Variants in GPC5 observed in about 807,000 individuals in gnomAD.
GPC5 encodes glypican 5.
A neutral mutation model predicts 53.9 loss-of-function variants in GPC5; 47 were observed. That is an observed-to-expected ratio of 0.87 (90% CI 0.69 to 1.11). The LOEUF (loss-of-function observed/expected upper bound fraction) is 1.11, where lower values mean the gene tolerates loss of function less well. GPC5 is among the 50% of genes most tolerant of loss of function. The pLI, the probability that GPC5 is intolerant of heterozygous loss-of-function variation, is 0.00. For synonymous variants in GPC5, 286 were observed against 263.3 expected, an observed-to-expected ratio of 1.09 and a Z score of -0.84; for missense variants, 748 against 713.1, an observed-to-expected ratio of 1.05 and a Z score of -0.56.
chr13:92,491,283 T>A (rs1879750942), intron 7 of GPC5, among the ~76,000 whole-genome samples: 1 of 152,102 alleles, frequency 6.6e-6, no homozygotes, highest in Non-Finnish European at 1.5e-5. Flanking sequence ...AAGATCTGAT[T>A]TTTTTAGTCT....
intron 6 of GPC5, among the ~76,000 whole-genome samples, chr13:92,126,869 A>G (rs778776257): frequency 6.6e-6 from 1 of 151,914 alleles, no homozygotes; most frequent in African/African-American, 2.4e-5. Context: ...TGTGTATGTG[A>G]TAACTGCTTA....
intron 7 of GPC5, among the ~76,000 whole-genome samples, chr13:92,696,288 G>A (rs1465799388): frequency 6.6e-6 from 1 of 151,276 alleles, no homozygotes; most frequent in Non-Finnish European, 1.5e-5. Context: ...CTTCCACAAT[G>A]GTGCAATAAT....
chr13:92,765,348 T>A (rs1226017317), intron 7 of GPC5, among the ~76,000 whole-genome samples: 1 of 152,238 alleles, frequency 6.6e-6, no homozygotes, highest in Non-Finnish European at 1.5e-5. Context: ...GTTTTTACCC[T>A]TGAGGCATCA....
At chr13:92,734,991 AG>A (rs1347120597) in intron 7 of GPC5, among the ~76,000 whole-genome samples, 1 of 151,984 alleles carries the variant, frequency 6.6e-6, no homozygotes, top group Non-Finnish European at 1.5e-5. Context: ...GAATATACAA[AG>A]GGCACGTAAA....
At chr13:91,679,303 G>T (rs777430288) in intron 2 of GPC5, among the ~76,000 whole-genome samples, 3 of 152,140 alleles carry the variant, frequency 2.0e-5, no homozygotes, top group Non-Finnish European at 4.4e-5. Flanking sequence ...GGCAATAAAA[G>T]TTCTAAGACT....
At chr13:91,699,098 A>G (rs1029176280) in intron 3 of GPC5, among the ~76,000 whole-genome samples, 2 of 152,206 alleles carry the variant, frequency 1.3e-5, no homozygotes, top group African/African-American at 2.4e-5. Flanking sequence ...GGATGAAATT[A>G]TTTTGAAATT....
At chr13:91,659,751 C>T (rs962225055) in intron 2 of GPC5, among the ~76,000 whole-genome samples, 1 of 152,174 alleles carries the variant, frequency 6.6e-6, no homozygotes, top group African/African-American at 2.4e-5. Flanking sequence ...CTGTCCCCCA[C>T]CGCCTCCACC....
intron 7 of GPC5, among the ~76,000 whole-genome samples, chr13:92,708,487 A>G (rs1049794907): frequency 2.0e-5 from 3 of 152,166 alleles, no homozygotes; most frequent in Non-Finnish European, 2.9e-5. Flanking sequence ...TCTCTATTCT[A>G]CTGCAGATAT....
At chr13:91,762,856 T>G (rs1043292140) in intron 5 of GPC5, among the ~76,000 whole-genome samples, 1 of 152,202 alleles carries the variant, frequency 6.6e-6, no homozygotes, top group Non-Finnish European at 1.5e-5. Context: ...AAACTCTCAC[T>G]TTTGTCTTGA....
intron 2 of GPC5, among the ~76,000 whole-genome samples, chr13:91,652,468 C>T (rs1434640972): frequency 6.6e-6 from 1 of 152,078 alleles, no homozygotes; most frequent in Non-Finnish European, 1.5e-5. Flanking sequence ...CACTTTGGAG[C>T]TATTATTATG....
In GPC5 at chr13:92,543,230, ATTCT is replaced by A. The variant is rs887286004; in HGVS notation, c.1562-323049_1562-323046del. Among the ~76,000 whole-genome samples, 8 of 152,068 alleles carry A rather than the reference ATTCT, an allele frequency of 5.3e-5. 1 individual carries two copies. Among genetic ancestry groups the A allele is most frequent in the African/African-American group, 1.9e-4 (8 of 41,494 alleles). On this transcript the variant is annotated intron_variant, in intron 7 of 7. Coordinates refer to ENST00000377067, the MANE Select transcript of GPC5 (RefSeq NM_004466.6). ...AAAATACCTGTCTTCACATTCAGAA[ATTCT>A]TTATTCTGCTTGATCTAGTCTTTTA...
chr13:91,950,224 C>A (rs1045195542), intron 6 of GPC5, among the ~76,000 whole-genome samples: 43 of 151,592 alleles, frequency 2.8e-4, no homozygotes, highest in Non-Finnish European at 4.9e-4. Context: ...TCTCCTCACA[C>A]CAATAGCAGA....
intron 7 of GPC5, among the ~76,000 whole-genome samples, chr13:92,773,608 C>A (rs1232126473): frequency 6.6e-6 from 1 of 152,162 alleles, no homozygotes; most frequent in Non-Finnish European, 1.5e-5. Flanking sequence ...ATCTTCCACA[C>A]TTATAAATGT....
rs1384955884 is a variant in GPC5, at chr13:91,667,207, G to A, written c.326-25980G>A. Among the ~76,000 whole-genome samples, 7 of 152,042 alleles carry A rather than the reference G, an allele frequency of 4.6e-5. No individual in the cohort carries two copies. In the East Asian group the frequency reaches 9.6e-4, roughly 21 times the overall value. ...TTTGTTTAACCATCCTTACTCCTTCGAATAAATATTTGCTCCTAATGTATC... is the reference window on the plus strand; with the variant it reads ...TTTGTTTAACCATCCTTACTCCTTCAAATAAATATTTGCTCCTAATGTATC... On this transcript the variant is annotated intron_variant, in intron 2 of 7. Transcript: ENST00000377067.
At chr13:92,714,324 T>C (rs1158506691) in intron 7 of GPC5, among the ~76,000 whole-genome samples, 1 of 152,210 alleles carries the variant, frequency 6.6e-6, no homozygotes, top group East Asian at 1.9e-4. Context: ...GTGGGAACTG[T>C]TGATAGATCA....
intron 2 of GPC5, among the ~76,000 whole-genome samples, chr13:91,583,429 G>C (rs773884904): frequency 9.2e-5 from 14 of 151,994 alleles, no homozygotes; most frequent in Non-Finnish European, 1.5e-4. Context: ...TATATGCCAA[G>C]ACCGAAATAT....
At chr13:91,483,493 A>C (rs968601700) in intron 2 of GPC5, among the ~76,000 whole-genome samples, 2 of 152,180 alleles carry the variant, frequency 1.3e-5, no homozygotes, top group Non-Finnish European at 2.9e-5. Flanking sequence ...GTTGCCTATT[A>C]TGACGCTCAT....
chr13:92,522,416 C>T (rs1408813733), intron 7 of GPC5, among the ~76,000 whole-genome samples: 1 of 152,162 alleles, frequency 6.6e-6, no homozygotes, highest in Non-Finnish European at 1.5e-5. Flanking sequence ...GGCGCATATA[C>T]ACCATGGAAT....
Position 92,500,609 on chromosome 13 carries a change from TA to T in GPC5, c.1561+355621del, listed in dbSNP as rs374422150. Among the ~76,000 whole-genome samples the T allele has an allele frequency of 2.4e-3, 361 of 152,226 alleles. 3 individuals are homozygous for T. The highest frequency in any genetic ancestry group is 8.1e-3 in the African/African-American group (335 of 41,524). On this transcript the variant is annotated intron_variant, in intron 7 of 7. Transcript: ENST00000377067. ...GCAAAAACCTTCTGGCCTTCCAAGA[TA>T]GTTTATTTTACAATTTTTCCCCCCA...
Sources: gnomAD v4.1 joint callset for allele counts (sites outside exome capture counted in the v4.1 genomes callset) on GRCh38, gnomAD v4.1.1 for gene constraint, MANE v1.5 for transcripts, NCBI Gene and HGNC (gene_info 2026-07-23, HGNC 2026-07-21) for gene names.